The following FASN variants were observed in gnomAD, a reference collection of about 807,000 sequenced individuals.
FASN encodes fatty acid synthase.
A neutral mutation model predicts 250.0 loss-of-function variants in FASN; 50 were observed. The ratio of observed to expected loss-of-function variants is 0.20; its 90% CI spans 0.16 to 0.25. The LOEUF (loss-of-function observed/expected upper bound fraction) is 0.25. Ranked by LOEUF, FASN falls within the 10% of genes least tolerant of loss-of-function variation. FASN has a pLI of 1.00. For synonymous variants in FASN, 1,909 were observed against 1,584.0 expected, an observed-to-expected ratio of 1.21 and a Z score of -4.87; for missense variants, 3,031 against 3,498.5, an observed-to-expected ratio of 0.87 and a Z score of 3.37.
rs775666029 is a variant in FASN, at chr17:82,088,029, C to G, written c.2791G>C (p.Val931Leu). The change falls in exon 18 of 43, where the codon GTG (valine) becomes CTG (leucine). Residue 931 changes from valine to leucine, a missense_variant. Transcript: ENST00000306749. ...TCCAGGAGCCGTACCTCCAGGGACA[C>G]TGTCCCTGCAGAGCGGGAGAGTTGG... ...QATILPKTGT[V>L]SLEVRLLEAS... 6.2e-7 allele frequency: 1 copy of G among 1,612,692 alleles called. No homozygotes were observed. The highest frequency in any genetic ancestry group is 1.3e-5 in the African/African-American group (1 of 75,040).
chr17:82,094,801 T>A (rs1053598297), intron 3 of FASN, among the ~76,000 whole-genome samples: 1 of 149,080 alleles, frequency 6.7e-6, no homozygotes, highest in African/African-American at 2.5e-5. Flanking sequence ...AATAAATAAA[T>A]AAATAAAAAT....
rs45483502 is a variant in FASN at position 82,084,703 on chromosome 17, C to T, written c.4578G>A (p.Glu1526=). ...TGCTCACAAAGGCATGTGCCGTCGG[C>T]TCCTCAGGCTTGTCTAGGGAAACAG... ...HFLLEEDKPE[E]PTAHAFVSTL... Residue 1526 remains glutamate, a synonymous_variant, in exon 27 of 43, where the codon GAG becomes GAA. Transcript: ENST00000306749. 3.0e-3 allele frequency: 4,694 copies of T among 1,564,892 alleles called. 134 individuals carry two copies. The African/African-American group carries it at 0.057, about 19-fold the overall frequency.
intron 1 of FASN, 82 bp downstream of exon 1, chr17:82,098,039 T>G: frequency 2.3e-5 from 7 of 306,294 alleles, no homozygotes; most frequent in East Asian, 5.1e-5. Flanking sequence ...GAGCGGAGGA[T>G]GAGGAGCCGG....
chr17:82,089,871 C>T lies in FASN; in HGVS notation c.1871-145G>A, dbSNP rs1029018726. The T allele has an allele frequency of 2.9e-5, 22 of 765,546 alleles. No individual in the cohort carries two copies. The Admixed American group carries it at 3.5e-4, about 12-fold the overall frequency. 47.4% of individuals were successfully genotyped at this position (765,546 alleles called of 1,614,324 possible). A position where few individuals can be genotyped will look rare whatever the true frequency, so the allele number is the denominator to read the frequency against. ...GGAGCCTTCATGAGAAAGGTTCGCC[C>T]CCTGCTGTGTTTGACCCGTGGGTGG... On this transcript the variant is annotated intron_variant, in intron 11 of 42. Coordinates refer to ENST00000306749, the MANE Select transcript of FASN (RefSeq NM_004104.5).
chr17:82,082,473 G>GT (rs892093804), intron 34 of FASN, 54 bp downstream of exon 34: 67 of 1,611,444 alleles, frequency 4.2e-5, no homozygotes, highest in Non-Finnish European at 5.3e-5. Context: ...TCCACCCAGG[G>GT]TCCCCCCCTT....
chr17:82,092,736 C>G lies in FASN; in HGVS notation c.855G>C (p.Glu285Asp), dbSNP rs755195686. ...CGTGGGCTTCGATGTATTCAAATGA[C>G]TCAGGGGCCACTCCGGCCGACTGGT... is the stretch of plus-strand genomic sequence containing the variant. The part of the protein sequence containing the change: ...SLYQSAGVAP[E>D]SFEYIEAHGT... Residue 285 changes from glutamate to aspartate, a missense_variant, in exon 7 of 43, where the codon GAG (glutamate) becomes GAC (aspartate). Transcript: ENST00000306749. 6.2e-6 allele frequency: 10 copies of G among 1,604,122 alleles called. No homozygotes were observed. The African/African-American group carries it at 1.1e-4, about 17-fold the overall frequency.
intron 12 of FASN, 77 bp from the exon 13 acceptor site, chr17:82,089,461 C>T: frequency 6.2e-7 from 1 of 1,610,374 alleles, no homozygotes; most frequent in Non-Finnish European, 8.5e-7. Flanking sequence ...GCGCACCCAC[C>T]TCACCCCAAG....
chr17:82,081,079 G>T (rs1261409441), intron 38 of FASN, 85 bp downstream of exon 38: 2 of 1,483,788 alleles, frequency 1.3e-6, no homozygotes, highest in Admixed American at 3.9e-5. Context: ...AGGGCGGTAT[G>T]CCTGCCGGGA....
chr17:82,091,399 C>G lies in FASN; in HGVS notation c.1315G>C (p.Glu439Gln). The change falls in exon 9 of 43, where the codon GAG (glutamate) becomes CAG (glutamine). Residue 439 changes from glutamate (E) to glutamine (Q), a missense_variant. By Grantham distance (29) the Glu-to-Gln change is conservative. Coordinates refer to ENST00000306749, the MANE Select transcript of FASN (RefSeq NM_004104.5). ...TCCTGGCTGTGCCGGAGGCCCTGCT[C>G]CAGCAGCTTCTGCACGGCCTCAGGG... ...RTPEAVQKLL[E>Q]QGLRHSQDLA... is the part of the protein sequence containing the mutation. 6.2e-7 allele frequency: 1 copy of G among 1,610,612 alleles called. No individual in the cohort carries two copies. The highest frequency in any genetic ancestry group is 8.5e-7 in the Non-Finnish European group (1 of 1,179,156).
rs941188821 is a variant in FASN at position 82,088,128 on chromosome 17, G to C, written c.2773C>G (p.Leu925Val). ...EDVVLHQATI[L>V]PKTGTVSLEV... ...GGGTACCCCTCACCAGTCTTGGGCA[G>C]GATGGTGGCCTGGTGCAGCACCACA... is the stretch of plus-strand genomic sequence containing the variant. The change falls in exon 17 of 43, where the codon CTG becomes GTG. Residue 925 changes from leucine to valine, a missense_variant. Coordinates refer to ENST00000306749, the MANE Select transcript of FASN (RefSeq NM_004104.5). 1.2e-6 allele frequency: 2 copies of C among 1,612,814 alleles called. No individual in the cohort carries two copies. Among genetic ancestry groups the C allele is most frequent in the East Asian group, 4.5e-5 (2 of 44,880 alleles).
In FASN at chr17:82,090,875, G is replaced by A. The variant is rs1266056511; in HGVS notation, c.1680+7C>T. The A allele has an allele frequency of 6.3e-7, 1 of 1,575,492 alleles. No homozygotes were observed. Among genetic ancestry groups the A allele is most frequent in the Non-Finnish European group, 8.6e-7 (1 of 1,161,890 alleles). On this transcript the variant is annotated splice_region_variant and intron_variant, in intron 10 of 42. Transcript: ENST00000306749. ...CGTTGCTCACACGCTGGCAGGCTGG[G>A]CCCTACCTGGATGGCAGTCAGGCTC...
Position 82,090,541 on chromosome 17 carries a change from G to A in FASN, c.1704C>T (p.Ser568=), listed in dbSNP as rs1242936382. The A allele has an allele frequency of 1.2e-6, 2 of 1,611,878 alleles. No individual in the cohort carries two copies. Among genetic ancestry groups the A allele is most frequent in the Middle Eastern group, 1.7e-4 (1 of 6,052 alleles). ...TGCCATCTGGCCTCAGCCCCATGCA[G>A]CTCAGCAGGTCTATGAGGCCTATCT... ...AIQIGLIDLL[S]CMGLRPDGIV... The change falls in exon 11 of 43, where the codon AGC becomes AGT. Residue 568 remains serine (S), a synonymous_variant. Transcript: ENST00000306749.
chr17:82,081,322 T>C lies in FASN; in HGVS notation c.6437A>G (p.Asp2146Gly). 1 of 1,558,012 alleles carries C rather than the reference T, an allele frequency of 6.4e-7. No homozygotes were observed. Among genetic ancestry groups the C allele is most frequent in the Non-Finnish European group, 8.7e-7 (1 of 1,151,374 alleles). ...CAGGCCCAGGTCCGCCAGTGAGCTG[T>C]CCAGGTTGACAGCAGCCAAGTCGCG... ...GIRDLAAVNL[D>G]SSLADLGLDS... Residue 2146 changes from aspartate to glycine, a missense_variant, in exon 38 of 43, where the codon GAC becomes GGC. By Grantham distance (94) the Asp-to-Gly change is moderately conservative. Coordinates refer to ENST00000306749, the MANE Select transcript of FASN (RefSeq NM_004104.5).
chr17:82,093,004 C>T lies in FASN; in HGVS notation c.671G>A (p.Arg224His). The T allele has an allele frequency of 6.2e-7, 1 of 1,612,120 alleles. No individual in the cohort carries two copies. The highest frequency in any genetic ancestry group is 8.5e-7 in the Non-Finnish European group (1 of 1,179,822). Residue 224 changes from arginine to histidine, a missense_variant, in exon 6 of 43, where the codon CGC (arginine) becomes CAC (histidine). Arg to His is a conservative substitution (Grantham distance 29, BLOSUM62 0). Coordinates refer to ENST00000306749, the MANE Select transcript of FASN (RefSeq NM_004104.5). ...CAGGACGGCCACCACACCCTCCGAG[C>T]GGCAGTACCCATTCCCTGGGTAGAG... ...AFDTAGNGYC[R>H]SEGVVAVLLT...
In FASN at chr17:82,090,390, C is replaced by T. The variant is rs760364227; in HGVS notation, c.1855G>A (p.Ala619Thr). The T allele has an allele frequency of 3.1e-6, 5 of 1,590,732 alleles. No homozygotes were observed. The highest frequency in any genetic ancestry group is 1.1e-5 in the South Asian group (1 of 87,846). Residue 619 changes from alanine (A) to threonine (T), a missense_variant, in exon 11 of 43, where the codon GCC (alanine) becomes ACC (threonine). Transcript: ENST00000306749. ...CIKEAHLPPGAMAAVGLSWEE... is the reference protein window; with the variant it reads ...CIKEAHLPPGTMAAVGLSWEE... ...GGAGACCTACCCACGGCTGCCATGG[C>T]GCCCGGCGGGAGATGGGCTTCTTTG...
chr17:82,082,418 G>T lies in FASN; in HGVS notation c.5920-4C>A. On this transcript the variant is annotated splice_region_variant and splice_polypyrimidine_tract_variant and intron_variant, in intron 34 of 42. Coordinates refer to ENST00000306749, the MANE Select transcript of FASN (RefSeq NM_004104.5). ...CCAGCAAGCCATCTCTCAAGACCTG[G>T]GGGAGGCATCCTCAGCACTCCCTGC... 1.2e-6 allele frequency: 2 copies of T among 1,612,676 alleles called. No homozygotes were observed. Among genetic ancestry groups the T allele is most frequent in the Non-Finnish European group, 1.7e-6 (2 of 1,179,948 alleles).
chr17:82,089,656 G>A lies in FASN; in HGVS notation c.1941C>T (p.Asp647=). The A allele has an allele frequency of 6.2e-7, 1 of 1,604,988 alleles. No individual in the cohort carries two copies. Among genetic ancestry groups the A allele is most frequent in the Non-Finnish European group, 8.5e-7 (1 of 1,176,638 alleles). The part of the protein sequence containing the change: ...GVVPACHNSK[D]TVTISGPQAP... The stretch of plus-strand genomic sequence containing the variant: ...CCTGAGGTCCCGAGATGGTGACTGT[G>A]TCCTTGGAGTTGTGGCAGGCGGGCA... Residue 647 remains aspartate (D), a synonymous_variant, in exon 12 of 43, where the codon GAC becomes GAT. Transcript: ENST00000306749.
In FASN at chr17:82,087,840, T is replaced by C. The variant is rs2034133088; in HGVS notation, c.2888A>G (p.Asp963Gly). Residue 963 changes from aspartate (D) to glycine (G), a missense_variant, in exon 19 of 43, where the codon GAC (aspartate) becomes GGC (glycine). By Grantham distance (94) the Asp-to-Gly change is moderately conservative. Coordinates refer to ENST00000306749, the MANE Select transcript of FASN (RefSeq NM_004104.5). Reference sequence around the variant, plus strand: ...GTGGTCGAAGAGCCTGGGGTCAGGGTCATCCCACTGGTACACCTTCCCTGT... The same window carrying C: ...GTGGTCGAAGAGCCTGGGGTCAGGGCCATCCCACTGGTACACCTTCCCTGT... ...VVSGKVYQWD[D>G]PDPRLFDHPE... The C allele has an allele frequency of 1.2e-6, 2 of 1,612,386 alleles. No homozygotes were observed. Among genetic ancestry groups the C allele is most frequent in the South Asian group, 2.2e-5 (2 of 91,076 alleles).
chr17:82,080,950 T>G (rs761794457), intron 38 of FASN, 28 bp from the exon 39 acceptor site: 8 of 1,568,270 alleles, frequency 5.1e-6, no homozygotes, highest in Middle Eastern at 2.0e-4. Flanking sequence ...GATGCCAGGC[T>G]GGTCTGGGTG....
Sources: gnomAD v4.1 joint callset for allele counts (sites outside exome capture counted in the v4.1 genomes callset) on GRCh38, gnomAD v4.1.1 for gene constraint, MANE v1.5 for transcripts, NCBI Gene and HGNC (gene_info 2026-07-23, HGNC 2026-07-21) for gene names.